FAF1: variants seen among roughly 807,000 people sequenced by gnomAD.
The protein encoded by FAF1 is FAS-associated factor 1.
A neutral mutation model predicts 92.5 loss-of-function variants in FAF1; 25 were observed. The ratio of observed to expected loss-of-function variants is 0.27; its 90% confidence interval spans 0.20 to 0.38. The LOEUF is 0.38. FAF1 is among the 10% of genes least tolerant of loss of function. The pLI is 1.00. For missense variants in FAF1, 636 were observed against 793.3 expected (o/e 0.80, Z 2.38); for synonymous variants, 234 against 273.2 (o/e 0.86, Z 1.42).
chr1:50,457,383 C>T (rs1435963703), intron 18 of FAF1, among the ~76,000 whole-genome samples: 1 of 152,112 alleles, frequency 6.6e-6, no homozygotes, highest in Non-Finnish European at 1.5e-5. Context: ...CCAGTACTGG[C>T]TTTGAAAATT....
chr1:50,804,584 C>T (rs1662117366), intron 2 of FAF1, among the ~76,000 whole-genome samples: 1 of 152,088 alleles, frequency 6.6e-6, no homozygotes, highest in African/African-American at 2.4e-5. Context: ...TAGTTTAAAA[C>T]AGTTTAACAA....
chr1:50,492,384 C>T (rs1385665052), intron 15 of FAF1, among the ~76,000 whole-genome samples: 2 of 152,148 alleles, frequency 1.3e-5, no homozygotes, highest in African/African-American at 4.8e-5. Flanking sequence ...TTTAGTATTT[C>T]CCCATTACAT....
At position 50,565,956 on chromosome 1, in the gene FAF1, T is replaced by C. The variant is rs368416915; in HGVS notation, c.1268+1121A>G. ...TGGCATTTTTATCTGTTTTTGGCAC[T>C]GCTTTTCATCACCTTTAACTGAGTG... On this transcript the variant is annotated intron_variant, in intron 13 of 18. Transcript: ENST00000396153. Among the ~76,000 whole-genome samples the C allele has an allele frequency of 1.8e-4, 28 of 152,234 alleles. No homozygotes were observed. In the South Asian group the frequency reaches 4.6e-3, roughly 25 times the overall value.
At position 50,610,128 on chromosome 1, in the gene FAF1, G is replaced by A. The variant is rs1056658072; in HGVS notation, c.745-13912C>T. Among the ~76,000 whole-genome samples, 8 of 152,274 alleles carry A rather than the reference G, an allele frequency of 5.3e-5. No individual in the cohort carries two copies. In the East Asian group the frequency reaches 1.2e-3, roughly 22 times the overall value. On this transcript the variant is annotated intron_variant, in intron 8 of 18. Coordinates refer to ENST00000396153, the MANE Select transcript of FAF1 (RefSeq NM_007051.3). ...TTAAAAAACATTGATCAAATCTTCCGTGGTTCTTACTGTACTCCAATACAG... is the reference window on the plus strand; with the variant it reads ...TTAAAAAACATTGATCAAATCTTCCATGGTTCTTACTGTACTCCAATACAG...
intron 1 of FAF1, among the ~76,000 whole-genome samples, chr1:50,872,535 T>C (rs528524609): frequency 2.5e-4 from 38 of 152,322 alleles, no homozygotes; most frequent in East Asian, 7.7e-4. Flanking sequence ...TAACCTTAAC[T>C]GATAAAGCAG....
At chr1:50,714,792 T>C (rs997561161) in intron 6 of FAF1, among the ~76,000 whole-genome samples, 3 of 152,160 alleles carry the variant, frequency 2.0e-5, no homozygotes, top group African/African-American at 7.2e-5. Flanking sequence ...CTTTTATTTT[T>C]CTAATAACTC....
In FAF1 at chr1:50,583,738, A is replaced by T; in HGVS notation, c.968-23T>A. 1 of 1,521,524 alleles carries T rather than the reference A, an allele frequency of 6.6e-7. No individual in the cohort carries two copies. Among genetic ancestry groups the T allele is most frequent in the South Asian group, 1.2e-5 (1 of 80,986 alleles). The allele number at this position is 1,521,524 out of a possible 1,614,324, so 94.3% of individuals were successfully genotyped here. ...GCACTAAAAAACAAACAAAAGAAAA[A>T]ACAAAAACAAAAAAACAAAACAAAT... On this transcript the variant is annotated intron_variant, in intron 10 of 18. Transcript: ENST00000396153. This position sits in a 1 kb window ranked among gnomAD's most constrained non-coding sequence, Gnocchi z 4.2.
chr1:50,737,828 G>T (rs1009798398), intron 6 of FAF1, among the ~76,000 whole-genome samples: 4 of 152,046 alleles, frequency 2.6e-5, no homozygotes, highest in African/African-American at 4.8e-5. Flanking sequence ...GCTTGACAAT[G>T]TTCAAAATTT....
At chr1:50,603,320 G>A (rs1046571692) in intron 8 of FAF1, among the ~76,000 whole-genome samples, 1 of 152,154 alleles carries the variant, frequency 6.6e-6, no homozygotes, top group Admixed American at 6.6e-5. Flanking sequence ...AACAACCTTA[G>A]AGTAGTGGAG....
chr1:50,584,735 T>C lies in FAF1; in HGVS notation c.917A>G (p.Asp306Gly). 1 of 1,613,750 alleles carries C rather than the reference T, an allele frequency of 6.2e-7. No individual in the cohort carries two copies. The highest frequency in any genetic ancestry group is 2.2e-5 in the East Asian group (1 of 44,848). Residue 306 changes from aspartate to glycine, a missense_variant, in exon 10 of 19, where the codon GAT becomes GGT. Coordinates refer to ENST00000396153, the MANE Select transcript of FAF1 (RefSeq NM_007051.3). ...FEDATEFGVD[D>G]GEVFGMASSA... ...TGACGCCATGCCAAATACTTCTCCATCATCCACCCCAAATTCTGTAGCATC... is the reference window on the plus strand; with the variant it reads ...TGACGCCATGCCAAATACTTCTCCACCATCCACCCCAAATTCTGTAGCATC...
intron 3 of FAF1, among the ~76,000 whole-genome samples, chr1:50,795,282 C>T (rs1006778972): frequency 6.6e-6 from 1 of 152,180 alleles, no homozygotes. Flanking sequence ...GATCTATCTT[C>T]TCTGAAAAAG....
chr1:50,589,118 C>T (rs1651383554), intron 9 of FAF1, among the ~76,000 whole-genome samples: 1 of 152,170 alleles, frequency 6.6e-6, no homozygotes. Context: ...AGACATAAAA[C>T]TGTGACAGCC....
intron 7 of FAF1, among the ~76,000 whole-genome samples, chr1:50,659,257 G>T (rs1307792980): frequency 6.6e-6 from 1 of 151,646 alleles, no homozygotes; most frequent in Non-Finnish European, 1.5e-5. Context: ...GAGGGGGAAG[G>T]GAAAGGGAGA....
At chr1:50,685,214 T>C (rs889159828) in intron 7 of FAF1, among the ~76,000 whole-genome samples, 1 of 152,178 alleles carries the variant, frequency 6.6e-6, no homozygotes, top group Non-Finnish European at 1.5e-5. Context: ...TAAGTAAATA[T>C]CAGTTGGTAA....
chr1:50,677,426 A>G (rs1656170839), intron 7 of FAF1, among the ~76,000 whole-genome samples: 1 of 152,154 alleles, frequency 6.6e-6, no homozygotes, highest in South Asian at 2.1e-4. Flanking sequence ...ATTCATAAAG[A>G]TGAGCTCTTA....
chr1:50,803,060 G>A (rs1477899311), intron 2 of FAF1, among the ~76,000 whole-genome samples: 6 of 152,196 alleles, frequency 3.9e-5, no homozygotes, highest in Non-Finnish European at 8.8e-5. Context: ...GAACCCTGAC[G>A]ACTCTGGAGG....
At chr1:50,552,396 C>G (rs1178509447) in intron 13 of FAF1, among the ~76,000 whole-genome samples, 1 of 151,940 alleles carries the variant, frequency 6.6e-6, no homozygotes, top group Non-Finnish European at 1.5e-5. Flanking sequence ...CAATCGTGGT[C>G]TGAATAAATC....
At chr1:50,848,421 C>T (rs1644320868) in intron 2 of FAF1, among the ~76,000 whole-genome samples, 1 of 152,094 alleles carries the variant, frequency 6.6e-6, no homozygotes, top group South Asian at 2.1e-4. Flanking sequence ...AGGATAACTA[C>T]TAAAAATAAT....
intron 2 of FAF1, among the ~76,000 whole-genome samples, chr1:50,831,366 C>T (rs1644150991): frequency 6.6e-6 from 1 of 152,124 alleles, no homozygotes; most frequent in Non-Finnish European, 1.5e-5. Flanking sequence ...CAACTTTAGG[C>T]CCCTCCAGAA....
Sources: allele counts gnomAD v4.1 joint callset (sites outside exome capture counted in the v4.1 genomes callset), GRCh38; gene constraint gnomAD v4.1.1; non-coding constraint Gnocchi (gnomAD v3.1); transcripts MANE v1.5; gene names NCBI Gene and HGNC (gene_info 2026-07-23, HGNC 2026-07-21).